The following LRRC61 variants were observed in gnomAD, a reference collection of about 807,000 sequenced individuals.
The protein encoded by LRRC61 is leucine rich repeat containing 61.
A neutral mutation model predicts 15.1 loss-of-function variants in LRRC61; 9 were observed. That is an observed-to-expected ratio of 0.60 (90% confidence interval 0.36 to 1.04). The LOEUF (loss-of-function observed/expected upper bound fraction) is 1.04. Among genes scored for constraint, LRRC61 ranks in the 50% least tolerant of loss-of-function variants. The pLI, the probability that LRRC61 is intolerant of heterozygous loss-of-function variation, is 0.01. For missense variants in LRRC61, 344 were observed against 335.6 expected (o/e 1.03, Z -0.20); for synonymous variants, 173 against 158.6 (o/e 1.09, Z -0.68).
chr7:150,330,359 C>T lies in LRRC61; in HGVS notation c.-145+4349C>T. The T allele has an allele frequency of 1.3e-6, 1 of 757,672 alleles. No individual in the cohort carries two copies. The highest frequency in any genetic ancestry group is 2.4e-5 in the East Asian group (1 of 41,154). 46.9% of individuals were successfully genotyped at this position (757,672 alleles called of 1,614,324 possible). On this transcript the variant is annotated intron_variant, in intron 2 of 2. Coordinates refer to ENST00000359623, the MANE Select transcript of LRRC61 (RefSeq NM_001142928.2). This position sits in a 1 kb window ranked among gnomAD's most constrained non-coding sequence, Gnocchi z 4.6. Reference sequence around the variant, plus strand: ...CTGGTGTTGCCTTGTCGGCCACATTCTGGAGCCCGGCAGACAGCCTCAGCA... The same window carrying T: ...CTGGTGTTGCCTTGTCGGCCACATTTTGGAGCCCGGCAGACAGCCTCAGCA...
At position 150,337,608 on chromosome 7, in the gene LRRC61, C is replaced by T; in HGVS notation, c.747C>T (p.Ser249=). ...TGGCCCAGGCGGAGCAGGTACTCAGCTCTGCGGGCCCCACCTCTTCCTTCG... is the reference window on the plus strand; with the variant it reads ...TGGCCCAGGCGGAGCAGGTACTCAGTTCTGCGGGCCCCACCTCTTCCTTCG... The part of the protein sequence containing the change: ...DSLAQAEQVL[S]SAGPTSSFVF Residue 249 remains serine (S), a synonymous_variant, in exon 3 of 3, where the codon AGC becomes AGT. Coordinates refer to ENST00000359623, the MANE Select transcript of LRRC61 (RefSeq NM_001142928.2). 1.3e-6 allele frequency: 2 copies of T among 1,539,672 alleles called. No homozygotes were observed. Among genetic ancestry groups the T allele is most frequent in the East Asian group, 2.3e-5 (1 of 44,168 alleles).
chr7:150,316,069 T>C, the LRRC61 span, among the ~76,000 whole-genome samples: 1 of 152,160 alleles, frequency 6.6e-6, no homozygotes, highest in Admixed American at 6.5e-5. Flanking sequence ...TCGTGGCACA[T>C]GCCTGTAATC....
In LRRC61 at chr7:150,330,474, C is replaced by T. The variant is rs769749490; in HGVS notation, c.-145+4464C>T. 2 of 779,920 alleles carry T rather than the reference C, an allele frequency of 2.6e-6. No individual in the cohort carries two copies. The highest frequency in any genetic ancestry group is 4.8e-6 in the Non-Finnish European group (2 of 418,150). 48.3% of individuals were successfully genotyped at this position (779,920 alleles called of 1,614,324 possible). A position where few individuals can be genotyped will look rare whatever the true frequency, so the allele number is the denominator to read the frequency against. On this transcript the variant is annotated intron_variant, in intron 2 of 2. Transcript: ENST00000359623. This position sits in a 1 kb window ranked among gnomAD's most constrained non-coding sequence, Gnocchi z 4.6. ...GGTGCTGCCCCAGCTGCGCTACCTG[C>T]ACATCTTCCTGGAGCAGGTTCACAC...
upstream of LRRC61, among the ~76,000 whole-genome samples, chr7:150,321,523 TG>T (rs1427825956): frequency 3.9e-5 from 6 of 152,274 alleles, no homozygotes; most frequent in East Asian, 1.2e-3. Flanking sequence ...GCAGATCACT[TG>T]AAGTCAGGAG....
chr7:150,310,892 G>A, the LRRC61 span, among the ~76,000 whole-genome samples: 7 of 152,188 alleles, frequency 4.6e-5, no homozygotes, highest in Admixed American at 2.6e-4. Context: ...AAAGGGTACC[G>A]AGTATCCCCT....
chr7:150,310,352 C>A, the LRRC61 span, among the ~76,000 whole-genome samples: 1 of 152,118 alleles, frequency 6.6e-6, no homozygotes, highest in South Asian at 2.1e-4. Flanking sequence ...CCATCCCACA[C>A]CAGGATTTAA....
chr7:150,315,037 T>C, the LRRC61 span, among the ~76,000 whole-genome samples: 26 of 147,354 alleles, frequency 1.8e-4, no homozygotes, highest in African/African-American at 6.4e-4. Flanking sequence ...ATAAATAATA[T>C]TAATAATTAC....
intron 2 of LRRC61, among the ~76,000 whole-genome samples, chr7:150,334,518 T>G (rs1451706773): frequency 6.6e-6 from 1 of 152,158 alleles, no homozygotes; most frequent in Non-Finnish European, 1.5e-5. Flanking sequence ...CTTAGAGAGC[T>G]CTGTATCCCC....
chr7:150,317,079 T>G, the LRRC61 span, among the ~76,000 whole-genome samples: 1 of 152,000 alleles, frequency 6.6e-6, no homozygotes, highest in Non-Finnish European at 1.5e-5. Context: ...CTTCATTTAT[T>G]TATTTATTGA....
intron 2 of LRRC61, among the ~76,000 whole-genome samples, chr7:150,326,948 T>C (rs1797975113): frequency 6.6e-6 from 1 of 152,194 alleles, no homozygotes; most frequent in Non-Finnish European, 1.5e-5. Flanking sequence ...TCTTGCGAGA[T>C]GGACTTGAAG....
chr7:150,323,137 G>T (rs1369748920), upstream of LRRC61: 2 of 195,484 alleles, frequency 1.0e-5, no homozygotes, highest in Admixed American at 6.3e-5. Context: ...AACGATTACC[G>T]ACTGTTGACC....
At chr7:150,322,520 T>G (rs926034520), upstream of LRRC61, 3 of 152,250 alleles carry the variant, frequency 2.0e-5, no homozygotes, top group African/African-American at 7.2e-5. Context: ...ACAGACGCCA[T>G]GACACCATCA....
Position 150,337,619 on chromosome 7 carries a change from C to T in LRRC61, c.758C>T (p.Pro253Leu), listed in dbSNP as rs1187584158. The T allele has an allele frequency of 6.5e-7, 1 of 1,529,686 alleles. No homozygotes were observed. Among genetic ancestry groups the T allele is most frequent in the East Asian group, 2.3e-5 (1 of 44,046 alleles). The allele number at this position is 1,529,686 out of a possible 1,614,324, so 94.8% of individuals were successfully genotyped here. Residue 253 changes from proline to leucine, a missense_variant, in exon 3 of 3, where the codon CCC (proline) becomes CTC (leucine). Physicochemically the swap from Pro to Leu is moderately conservative, Grantham distance 98. Transcript: ENST00000359623. ...GAGCAGGTACTCAGCTCTGCGGGCC[C>T]CACCTCTTCCTTCGTCTTCTGAACG... ...QAEQVLSSAG[P>L]TSSFVF
intron 2 of LRRC61, chr7:150,331,274 AG>A: frequency 1.4e-6 from 1 of 712,308 alleles, no homozygotes; most frequent in South Asian, 2.0e-5. Flanking sequence ...GACCTGGCCA[AG>A]GGGATACAGA....
At chr7:150,319,124 A>C (rs1585021613), upstream of LRRC61, among the ~76,000 whole-genome samples, 1 of 151,980 alleles carries the variant, frequency 6.6e-6, no homozygotes, top group South Asian at 2.1e-4. Context: ...TAAAGTGTAC[A>C]CTCTACTGGG....
the LRRC61 span, among the ~76,000 whole-genome samples, chr7:150,313,181 G>A: frequency 2.6e-5 from 4 of 151,852 alleles, no homozygotes; most frequent in African/African-American, 4.8e-5. Context: ...ACCTCCCTTC[G>A]CTGACTCTCT....
At chr7:150,326,847 C>T (rs1268604615) in intron 2 of LRRC61, among the ~76,000 whole-genome samples, 1 of 152,214 alleles carries the variant, frequency 6.6e-6, no homozygotes, top group African/African-American at 2.4e-5. Flanking sequence ...AGGACAGCAG[C>T]CTGTGTTTCC....
rs1406226868 is a variant in LRRC61, at chr7:150,336,868, C to T, written c.7C>T (p.Pro3Ser). Residue 3 changes from proline (P) to serine (S), a missense_variant, in exon 3 of 3, where the codon CCT (proline) becomes TCT (serine). Coordinates refer to ENST00000359623, the MANE Select transcript of LRRC61 (RefSeq NM_001142928.2). MD[P>S]PAEKPGEAGG... The stretch of plus-strand genomic sequence containing the variant: ...CCCAACCGACTTCCATCTCATGGAC[C>T]CTCCAGCGGAGAAGCCGGGAGAGGC... 4 of 1,609,620 alleles carry T rather than the reference C, an allele frequency of 2.5e-6. No homozygotes were observed. The Admixed American group carries it at 5.0e-5, about 20-fold the overall frequency.
upstream of LRRC61, chr7:150,323,289 C>A (rs1240908519): frequency 7.7e-6 from 2 of 260,946 alleles, no homozygotes; most frequent in Non-Finnish European, 1.5e-5. Flanking sequence ...GAAGTAACCC[C>A]TGGCGCATCC....
Sources: allele counts gnomAD v4.1 joint callset (sites outside exome capture counted in the v4.1 genomes callset), GRCh38; gene constraint gnomAD v4.1.1; non-coding constraint Gnocchi (gnomAD v3.1); transcripts MANE v1.5; gene names NCBI Gene and HGNC (gene_info 2026-07-23, HGNC 2026-07-21).